CEP162: variants seen among roughly 807,000 people sequenced by gnomAD.
CEP162 encodes centrosomal protein 162.
In CEP162, 141 loss-of-function variants were observed where a neutral mutation model predicts 169.2. That is an observed-to-expected ratio of 0.83 (90% CI 0.73 to 0.96). CEP162 has a LOEUF of 0.96. CEP162 is among the 40% of genes least tolerant of loss of function. The pLI is 0.00. For missense variants in CEP162, 1,600 were observed against 1,587.2 expected (o/e 1.01, Z -0.14); for synonymous variants, 540 against 526.4 (o/e 1.03, Z -0.35).
intron 21 of CEP162, among the ~76,000 whole-genome samples, chr6:84,156,343 C>T (rs747359294): frequency 8.6e-5 from 13 of 152,042 alleles, no homozygotes; most frequent in Non-Finnish European, 1.8e-4. Context: ...TCTCCAAAAG[C>T]AAATGCAACA....
chr6:84,147,028 C>T (rs373491634), intron 24 of CEP162, among the ~76,000 whole-genome samples: 81 of 152,148 alleles, frequency 5.3e-4, no homozygotes, highest in African/African-American at 1.8e-3. Flanking sequence ...GTATATCAAA[C>T]GGACACCTGG....
chr6:84,215,731 A>G, intron 4 of CEP162, 45 bp downstream of exon 4: 2 of 1,537,368 alleles, frequency 1.3e-6, no homozygotes, highest in Non-Finnish European at 1.8e-6. Flanking sequence ...GAATATAAGC[A>G]TAACAATTAA....
chr6:84,179,008 G>T (rs1178617566), intron 13 of CEP162, among the ~76,000 whole-genome samples: 1 of 152,246 alleles, frequency 6.6e-6, no homozygotes, highest in East Asian at 1.9e-4. Flanking sequence ...TTTTATGGCT[G>T]CATAGTATTC....
intron 8 of CEP162, among the ~76,000 whole-genome samples, chr6:84,201,219 A>C (rs1037494541): frequency 5.3e-5 from 8 of 152,342 alleles, no homozygotes; most frequent in Non-Finnish European, 1.0e-4. Flanking sequence ...TGGAGCTTGC[A>C]GTGAGCCAAG....
chr6:84,182,529 G>A (rs1047657616), intron 13 of CEP162, among the ~76,000 whole-genome samples: 1 of 151,944 alleles, frequency 6.6e-6, no homozygotes. Context: ...GAGCAGCAAC[G>A]TACATAAACG....
intron 18 of CEP162, among the ~76,000 whole-genome samples, chr6:84,166,596 G>A (rs1037164126): frequency 2.0e-5 from 3 of 152,122 alleles, no homozygotes; most frequent in Non-Finnish European, 4.4e-5. Flanking sequence ...GCTTGGATGA[G>A]TGCCTGGTAT....
chr6:84,220,264 T>C (rs1327746436), intron 3 of CEP162, among the ~76,000 whole-genome samples: 2 of 152,114 alleles, frequency 1.3e-5, no homozygotes, highest in Non-Finnish European at 2.9e-5. Flanking sequence ...GATCCACAAA[T>C]GGTGTGAATG....
intron 7 of CEP162, among the ~76,000 whole-genome samples, chr6:84,203,482 T>A (rs1168143723): frequency 6.6e-6 from 1 of 152,216 alleles, no homozygotes; most frequent in Non-Finnish European, 1.5e-5. Context: ...GTCTCACTCA[T>A]CAACCAGGCT....
At chr6:84,212,854 G>T in intron 6 of CEP162, 103 bp downstream of exon 6, 1 of 747,044 alleles carries the variant, frequency 1.3e-6, no homozygotes, top group South Asian at 1.9e-5. Context: ...TCAAAGCTCT[G>T]AGACAATATG....
At chr6:84,136,521 G>A (rs1176097753) in intron 25 of CEP162, among the ~76,000 whole-genome samples, 1 of 152,144 alleles carries the variant, frequency 6.6e-6, no homozygotes, top group Non-Finnish European at 1.5e-5. Flanking sequence ...TATTCAAACC[G>A]CAGCAGCATG....
chr6:84,213,506 G>C (rs1056069017), intron 5 of CEP162, among the ~76,000 whole-genome samples: 12 of 152,178 alleles, frequency 7.9e-5, no homozygotes, highest in African/African-American at 2.7e-4. Flanking sequence ...GGGGACAAAG[G>C]AGCTTGAGTA....
intron 12 of CEP162, 53 bp from the exon 13 acceptor site, chr6:84,185,501 T>G (rs2099536791): frequency 4.1e-6 from 6 of 1,457,538 alleles, no homozygotes; most frequent in Non-Finnish European, 5.6e-6. Flanking sequence ...TTAACTATTG[T>G]TGTAAATGAA....
chr6:84,136,088 A>G (rs1385950591), intron 25 of CEP162, among the ~76,000 whole-genome samples: 1 of 152,132 alleles, frequency 6.6e-6, no homozygotes, highest in Non-Finnish European at 1.5e-5. Context: ...CTTTGCTGAC[A>G]AGGCCTTGAT....
At chr6:84,133,163 CTGCAGAACAGCAAATAT>C (rs950399185) in intron 25 of CEP162, among the ~76,000 whole-genome samples, 5 of 152,194 alleles carry the variant, frequency 3.3e-5, no homozygotes, top group South Asian at 2.1e-4. Context: ...CCAGCAGAGG[CTGCAGAACAGCAAATAT>C]TGCAGAACAG....
At chr6:84,172,755 T>C (rs2099530673) in intron 16 of CEP162, among the ~76,000 whole-genome samples, 1 of 152,162 alleles carries the variant, frequency 6.6e-6, no homozygotes, top group African/African-American at 2.4e-5. Flanking sequence ...GGGCAATGCT[T>C]TTGATGATGT....
intron 16 of CEP162, 92 bp from the exon 17 acceptor site, chr6:84,171,810 C>T (rs1219377333): frequency 2.4e-5 from 11 of 449,126 alleles, no homozygotes; most frequent in Admixed American, 4.4e-5. Flanking sequence ...ATCCTTTAAA[C>T]GGCCTTTTAA....
rs1236015457 is a variant in CEP162, at chr6:84,163,121, A to G, written c.2512+23T>C. The G allele has an allele frequency of 3.1e-6, 5 of 1,610,032 alleles. No homozygotes were observed. The African/African-American group carries it at 4.0e-5, about 13-fold the overall frequency. On this transcript the variant is annotated intron_variant, in intron 19 of 26. Transcript: ENST00000403245. ...AGAACAGTTATGATTATAAAGGTAC[A>G]CTGTTTCAGCTCAGTGTTTTACCTG...
chr6:84,203,326 G>A (rs1391807641), intron 7 of CEP162, among the ~76,000 whole-genome samples: 27 of 152,142 alleles, frequency 1.8e-4, no homozygotes. Flanking sequence ...CTTCATAAAG[G>A]CAAGTCATAC....
intron 2 of CEP162, among the ~76,000 whole-genome samples, chr6:84,223,949 C>G (rs1304941427): frequency 6.6e-6 from 1 of 151,914 alleles, no homozygotes; most frequent in East Asian, 1.9e-4. Flanking sequence ...AACTAATACA[C>G]TACTAGTGGA....
Sources: allele counts gnomAD v4.1 joint callset (sites outside exome capture counted in the v4.1 genomes callset), GRCh38; gene constraint gnomAD v4.1.1; transcripts MANE v1.5; gene names NCBI Gene and HGNC (gene_info 2026-07-23, HGNC 2026-07-21).